The following LRRC61 variants were observed in gnomAD, a reference collection of about 807,000 sequenced individuals.
LRRC61 encodes leucine rich repeat containing 61, also known as leucine-rich repeat-containing protein 61.
In LRRC61, 9 loss-of-function variants were observed where a neutral mutation model predicts 15.1. The observed-to-expected ratio is 0.60, with a 90% CI of 0.36 to 1.04. LRRC61 has a LOEUF of 1.04. LRRC61 is among the 50% of genes least tolerant of loss of function. The pLI is 0.01. For synonymous variants in LRRC61, 173 were observed against 158.6 expected (o/e 1.09, Z -0.68); for missense variants, 344 against 335.6 (o/e 1.03, Z -0.20).
At chr7:150,318,323 A>G (rs1024295269), upstream of LRRC61, among the ~76,000 whole-genome samples, 1 of 152,188 alleles carries the variant, frequency 6.6e-6, no homozygotes, top group Non-Finnish European at 1.5e-5. Context: ...AGTCTTTCCT[A>G]GAGCTTTCAG....
upstream of LRRC61, among the ~76,000 whole-genome samples, chr7:150,321,696 C>T (rs180691462): frequency 5.0e-3 from 757 of 152,242 alleles, 18 homozygotes; most frequent in Admixed American, 0.046. Context: ...GCTGAGATCA[C>T]ACCACTGCAC....
the LRRC61 span, among the ~76,000 whole-genome samples, chr7:150,314,125 C>T: frequency 6.6e-6 from 1 of 152,156 alleles, no homozygotes; most frequent in Non-Finnish European, 1.5e-5. Context: ...GCAGCTTGCT[C>T]ATGTGGCACT....
the LRRC61 span, among the ~76,000 whole-genome samples, chr7:150,315,964 G>A: frequency 3.3e-5 from 5 of 152,160 alleles, no homozygotes; most frequent in African/African-American, 1.2e-4. Flanking sequence ...TCGGGAGGCC[G>A]AGGCGGGTGG....
At position 150,335,837 on chromosome 7, in the gene LRRC61, ACC is replaced by A. The variant is rs774978502; in HGVS notation, c.-144-880_-144-879del. On this transcript the variant is annotated intron_variant, in intron 2 of 2. Transcript: ENST00000359623. The surrounding 1 kb of genome is among the most constrained non-coding windows in gnomAD (Gnocchi z 4.3). ...CAGTCATGCGCTGGCACCTGGACTC[ACC>A]TGGTCCTGCAGCCCCTGGCAATTTG... Among the ~76,000 whole-genome samples the A allele has an allele frequency of 1.3e-5, 2 of 152,124 alleles. No individual in the cohort carries two copies. The highest frequency in any genetic ancestry group is 2.9e-5 in the Non-Finnish European group (2 of 68,012).
At position 150,333,364 on chromosome 7, in the gene LRRC61, T is replaced by C. The variant is rs1158738754; in HGVS notation, c.-144-3354T>C. Reference sequence around the variant, plus strand: ...GGGGAGTGGTTCTGTTGGTGTCTAGTGGACAAAGGCCAGGGATGCTGCTCA... The same window carrying C: ...GGGGAGTGGTTCTGTTGGTGTCTAGCGGACAAAGGCCAGGGATGCTGCTCA... On this transcript the variant is annotated intron_variant, in intron 2 of 2. Transcript: ENST00000359623. The surrounding 1 kb of genome is among the most constrained non-coding windows in gnomAD (Gnocchi z 4.3). 6.6e-6 allele frequency among the ~76,000 whole-genome samples: 1 copy of C among 152,190 alleles called. No individual in the cohort carries two copies. The highest frequency in any genetic ancestry group is 1.5e-5 in the Non-Finnish European group (1 of 68,032).
intron 1 of LRRC61, among the ~76,000 whole-genome samples, chr7:150,324,624 G>C (rs1797880181): frequency 6.6e-6 from 1 of 152,120 alleles, no homozygotes; most frequent in African/African-American, 2.4e-5. Flanking sequence ...CCTGCTACCA[G>C]ACCCATCCTA....
At chr7:150,318,497 C>T (rs1797163277), upstream of LRRC61, among the ~76,000 whole-genome samples, 1 of 152,188 alleles carries the variant, frequency 6.6e-6, no homozygotes, top group Non-Finnish European at 1.5e-5. Flanking sequence ...GTTGCGGTGG[C>T]TCACGCCTGT....
In LRRC61 at chr7:150,330,223, C is replaced by T. The variant is rs1798063193; in HGVS notation, c.-145+4213C>T. 9 of 601,990 alleles carry T rather than the reference C, an allele frequency of 1.5e-5. No individual in the cohort carries two copies. 37.3% of individuals were successfully genotyped at this position (601,990 alleles called of 1,614,324 possible). A position where few individuals can be genotyped will look rare whatever the true frequency, so the allele number is the denominator to read the frequency against. Reference sequence around the variant, plus strand: ...CAGCGCAGCCTCCTAGCCCACCAGCCCTTTGAGGAGCTCTTGGACCACTGG... The same window carrying T: ...CAGCGCAGCCTCCTAGCCCACCAGCTCTTTGAGGAGCTCTTGGACCACTGG... On this transcript the variant is annotated intron_variant, in intron 2 of 2. Transcript: ENST00000359623. This position sits in a 1 kb window ranked among gnomAD's most constrained non-coding sequence, Gnocchi z 4.6.
At position 150,337,127 on chromosome 7, in the gene LRRC61, G is replaced by T. The variant is rs1445485974; in HGVS notation, c.266G>T (p.Gly89Val). 7 of 1,611,876 alleles carry T rather than the reference G, an allele frequency of 4.3e-6. No homozygotes were observed. Among genetic ancestry groups the T allele is most frequent in the Non-Finnish European group, 5.9e-6 (7 of 1,179,958 alleles). Residue 89 changes from glycine (G) to valine (V), a missense_variant, in exon 3 of 3, where the codon GGC (glycine) becomes GTC (valine). By Grantham distance (109) the Gly-to-Val change is moderately radical. Coordinates refer to ENST00000359623, the MANE Select transcript of LRRC61 (RefSeq NM_001142928.2). ...AATGTCTCCAACAATCGGCTGACGGGCCTGGAGCCACTGGCCACCTGTGAG... is the reference window on the plus strand; with the variant it reads ...AATGTCTCCAACAATCGGCTGACGGTCCTGGAGCCACTGGCCACCTGTGAG... ...VLNVSNNRLT[G>V]LEPLATCENL...
chr7:150,330,950 G>A lies in LRRC61; in HGVS notation c.-145+4940G>A. Reference sequence around the variant, plus strand: ...GGCTGCTGGCCTCTGAGAGAAGCGGGGGCTCGCTGTCCACCAAGAGCCACT... The same window carrying A: ...GGCTGCTGGCCTCTGAGAGAAGCGGAGGCTCGCTGTCCACCAAGAGCCACT... On this transcript the variant is annotated intron_variant, in intron 2 of 2. Coordinates refer to ENST00000359623, the MANE Select transcript of LRRC61 (RefSeq NM_001142928.2). The surrounding 1 kb of genome is among the most constrained non-coding windows in gnomAD (Gnocchi z 4.6). 6.2e-7 allele frequency: 1 copy of A among 1,612,196 alleles called. No homozygotes were observed. Among genetic ancestry groups the A allele is most frequent in the East Asian group, 2.2e-5 (1 of 44,866 alleles).
chr7:150,311,610 C>T, the LRRC61 span, among the ~76,000 whole-genome samples: 3 of 152,308 alleles, frequency 2.0e-5, no homozygotes, highest in South Asian at 4.1e-4. Context: ...AAGTCCTGAG[C>T]CACATGACTG....
chr7:150,313,931 G>T, the LRRC61 span, among the ~76,000 whole-genome samples: 4 of 152,224 alleles, frequency 2.6e-5, no homozygotes, highest in Non-Finnish European at 5.9e-5. Context: ...GGACTGTGAA[G>T]AAGATGCACC....
chr7:150,337,384 C>T lies in LRRC61; in HGVS notation c.523C>T (p.Leu175=), dbSNP rs777337723. 63 of 1,605,710 alleles carry T rather than the reference C, an allele frequency of 3.9e-5. No homozygotes were observed. Among genetic ancestry groups the T allele is most frequent in the Non-Finnish European group, 4.9e-5 (58 of 1,179,942 alleles). ...VIGRGSEFYQ[L]CRDLDSSLRP... is the part of the protein sequence containing the mutation. ...TGGGCGTGGTAGTGAGTTCTACCAG[C>T]TGTGCCGAGACCTGGACAGCTCCTT... is the stretch of plus-strand genomic sequence containing the variant. The change falls in exon 3 of 3, where the codon CTG becomes TTG. Residue 175 remains leucine (L), a synonymous_variant. Transcript: ENST00000359623.
intron 2 of LRRC61, among the ~76,000 whole-genome samples, chr7:150,336,082 C>T (rs1443223651): frequency 6.6e-6 from 1 of 152,296 alleles, no homozygotes; most frequent in South Asian, 2.1e-4. Flanking sequence ...GGCCACTTAC[C>T]CCAGCCTTCC....
At chr7:150,331,677 T>C (rs565107272) in intron 2 of LRRC61, 37 of 167,424 alleles carry the variant, frequency 2.2e-4, no homozygotes, top group Non-Finnish European at 4.7e-4. Flanking sequence ...TCTGTGTGGA[T>C]AAGTGGACAC....
Position 150,337,999 on chromosome 7 carries a change from T to A in LRRC61, c.*358T>A. On this transcript the variant is annotated 3_prime_UTR_variant, in exon 3 of 3. Coordinates refer to ENST00000359623, the MANE Select transcript of LRRC61 (RefSeq NM_001142928.2). Reference sequence around the variant, plus strand: ...TCCCGTCTCAGCTGTTGGGAGACAGTAGGCAGGCTGAGTGGCCCAGAGCAC... The same window carrying A: ...TCCCGTCTCAGCTGTTGGGAGACAGAAGGCAGGCTGAGTGGCCCAGAGCAC... 2.4e-6 allele frequency: 1 copy of A among 410,852 alleles called. No homozygotes were observed. Among genetic ancestry groups the A allele is most frequent in the South Asian group, 2.4e-5 (1 of 41,816 alleles). 25.5% of individuals were successfully genotyped at this position (410,852 alleles called of 1,614,324 possible). A position where few individuals can be genotyped will look rare whatever the true frequency, so the allele number is the denominator to read the frequency against.
chr7:150,335,633 C>T lies in LRRC61; in HGVS notation c.-144-1085C>T, dbSNP rs527834327. The stretch of plus-strand genomic sequence containing the variant: ...AGTGTTGATATGTAAACTCAGTCAC[C>T]GACACCCTGCATCAGATCTGCAGGG... On this transcript the variant is annotated intron_variant, in intron 2 of 2. Coordinates refer to ENST00000359623, the MANE Select transcript of LRRC61 (RefSeq NM_001142928.2). The surrounding 1 kb of genome is among the most constrained non-coding windows in gnomAD (Gnocchi z 4.3). 3.3e-5 allele frequency among the ~76,000 whole-genome samples: 5 copies of T among 152,248 alleles called. No individual in the cohort carries two copies. The highest frequency in any genetic ancestry group is 9.6e-5 in the African/African-American group (4 of 41,548).
intron 2 of LRRC61, among the ~76,000 whole-genome samples, chr7:150,336,506 C>G (rs1168037151): frequency 6.6e-6 from 1 of 152,252 alleles, no homozygotes; most frequent in Non-Finnish European, 1.5e-5. Flanking sequence ...CCTAACCAGC[C>G]AGGGCCAGTC....
intron 2 of LRRC61, among the ~76,000 whole-genome samples, chr7:150,336,228 A>G (rs1376195953): frequency 6.6e-6 from 1 of 152,256 alleles, no homozygotes; most frequent in Non-Finnish European, 1.5e-5. Context: ...GCTGTTAGAA[A>G]GAATTGCAGT....
Sources: allele counts gnomAD v4.1 joint callset (sites outside exome capture counted in the v4.1 genomes callset), GRCh38; gene constraint gnomAD v4.1.1; non-coding constraint Gnocchi (gnomAD v3.1); transcripts MANE v1.5; gene names NCBI Gene and HGNC (gene_info 2026-07-23, HGNC 2026-07-21).